Variants in PIK3C2G observed in about 807,000 individuals in gnomAD.
PIK3C2G encodes the protein phosphatidylinositol 3-kinase C2 domain-containing subunit gamma.
PIK3C2G carries 168 observed loss-of-function variants against 181.1 expected under a neutral mutation model. The observed-to-expected ratio is 0.93, with a 90% CI of 0.82 to 1.05. PIK3C2G has a LOEUF of 1.05. Among genes scored for constraint, PIK3C2G ranks in the 50% least tolerant of loss-of-function variants. The pLI is 0.00. For missense variants in PIK3C2G, 1,869 were observed against 1,732.8 expected, an observed-to-expected ratio of 1.08 and a Z score of -1.40; for synonymous variants, 573 against 592.2, an observed-to-expected ratio of 0.97 and a Z score of 0.47.
At chr12:18,291,763 T>G (rs2137201856) in intron 4 of PIK3C2G, among the ~76,000 whole-genome samples, 1 of 152,150 alleles carries the variant, frequency 6.6e-6, no homozygotes, top group Admixed American at 6.5e-5. Context: ...ATTATTGTGC[T>G]TCTTTCTTAC....
chr12:18,428,433 C>T lies in PIK3C2G; in HGVS notation c.2504+4394C>T, dbSNP rs148578074. Among the ~76,000 whole-genome samples, 57 of 151,756 alleles carry T rather than the reference C, an allele frequency of 3.8e-4. 1 individual carries two copies. The East Asian group carries it at 0.01, about 28-fold the overall frequency. Reference sequence around the variant, plus strand: ...TTCCTCAGATTCACCATATTCAAAACTGAACTAAATATCCTGTCTTGCTCA... The same window carrying T: ...TTCCTCAGATTCACCATATTCAAAATTGAACTAAATATCCTGTCTTGCTCA... On this transcript the variant is annotated intron_variant, in intron 18 of 32. Coordinates refer to ENST00000538779, the MANE Select transcript of PIK3C2G (RefSeq NM_001288772.2).
At chr12:18,246,984 T>A (rs1948046736), upstream of PIK3C2G, among the ~76,000 whole-genome samples, 1 of 150,298 alleles carries the variant, frequency 6.7e-6, no homozygotes, top group Non-Finnish European at 1.5e-5. Flanking sequence ...CCAAACTATA[T>A]CTCAATGGTC....
chr12:18,476,478 G>C (rs1000056870), intron 18 of PIK3C2G, among the ~76,000 whole-genome samples: 1 of 152,110 alleles, frequency 6.6e-6, no homozygotes, highest in Non-Finnish European at 1.5e-5. Context: ...CCTAGAATTA[G>C]ATTTCATTAG....
chr12:18,689,146 G>A, the PIK3C2G span, among the ~76,000 whole-genome samples: 1 of 152,042 alleles, frequency 6.6e-6, no homozygotes, highest in Non-Finnish European at 1.5e-5. Context: ...AAAGTAACTA[G>A]AAAGAACAAT....
chr12:18,523,909 C>T (rs984278289), intron 24 of PIK3C2G, among the ~76,000 whole-genome samples: 1 of 152,148 alleles, frequency 6.6e-6, no homozygotes, highest in African/African-American at 2.4e-5. Context: ...AGCATCTGGG[C>T]TGTGTGGGGA....
chr12:18,365,747 A>G lies in PIK3C2G; in HGVS notation c.1748+2861A>G, dbSNP rs1941597920. Among the ~76,000 whole-genome samples, 3 of 152,176 alleles carry G rather than the reference A, an allele frequency of 2.0e-5. No homozygotes were observed. The South Asian group carries it at 6.2e-4, about 32-fold the overall frequency. Reference sequence around the variant, plus strand: ...TTAAATGCCAACAGCTCCCAAATTTATATCACTAACCCAGCCATCAGTCAC... The same window carrying G: ...TTAAATGCCAACAGCTCCCAAATTTGTATCACTAACCCAGCCATCAGTCAC... On this transcript the variant is annotated intron_variant, in intron 12 of 32. Coordinates refer to ENST00000538779, the MANE Select transcript of PIK3C2G (RefSeq NM_001288772.2).
At chr12:18,682,826 T>G in the PIK3C2G span, among the ~76,000 whole-genome samples, 683 of 152,140 alleles carry the variant, frequency 4.5e-3, 4 homozygotes, top group African/African-American at 0.015. Flanking sequence ...ATCTAATTCC[T>G]TCCCACAAAA....
the PIK3C2G span, among the ~76,000 whole-genome samples, chr12:18,664,780 G>A: frequency 3.3e-5 from 5 of 151,322 alleles, no homozygotes; most frequent in African/African-American, 1.2e-4. Context: ...ATGATAGACT[G>A]GATTAAGAAA....
chr12:18,454,988 G>C (rs1160175628), intron 18 of PIK3C2G, among the ~76,000 whole-genome samples: 2 of 152,130 alleles, frequency 1.3e-5, no homozygotes, highest in African/African-American at 2.4e-5. Context: ...TGTAATCAAG[G>C]TGTCAACCTG....
the PIK3C2G span, among the ~76,000 whole-genome samples, chr12:18,700,860 T>G: frequency 2.6e-5 from 4 of 152,218 alleles, no homozygotes; most frequent in Non-Finnish European, 5.9e-5. Flanking sequence ...TATGTATTAT[T>G]AATATTGAAT....
At chr12:18,650,766 T>G (rs1454440951), downstream of PIK3C2G, among the ~76,000 whole-genome samples, 2 of 109,184 alleles carry the variant, frequency 1.8e-5, no homozygotes, top group African/African-American at 6.3e-5. Flanking sequence ...ATATATATAT[T>G]CCAGTCCATC....
chr12:18,691,262 TTAAG>T, the PIK3C2G span, among the ~76,000 whole-genome samples: 3 of 152,090 alleles, frequency 2.0e-5, no homozygotes, highest in Non-Finnish European at 4.4e-5. Context: ...TTGTTGACAT[TTAAG>T]TAAGAGCAGA....
intron 24 of PIK3C2G, among the ~76,000 whole-genome samples, chr12:18,523,127 T>C (rs1366872286): frequency 6.6e-6 from 1 of 152,192 alleles, no homozygotes; most frequent in Non-Finnish European, 1.5e-5. Flanking sequence ...TAAGATGTAT[T>C]CTTTTGTTTT....
intron 8 of PIK3C2G, among the ~76,000 whole-genome samples, chr12:18,337,700 A>C (rs1591992355): frequency 6.6e-6 from 1 of 152,160 alleles, no homozygotes; most frequent in Non-Finnish European, 1.5e-5. Flanking sequence ...CAAAGACAGC[A>C]CCAAGCCATT....
At chr12:18,364,133 C>T (rs1043969270) in intron 12 of PIK3C2G, among the ~76,000 whole-genome samples, 5 of 152,158 alleles carry the variant, frequency 3.3e-5, no homozygotes, top group African/African-American at 1.2e-4. Context: ...GAATTAACCC[C>T]ATTCCCCGTT....
At position 18,562,713 on chromosome 12, in the gene PIK3C2G, GA is replaced by G; in HGVS notation, c.3604del (p.Ser1202ValfsTer9). 1 of 1,584,606 alleles carries G rather than the reference GA, an allele frequency of 6.3e-7. No homozygotes were observed. The highest frequency in any genetic ancestry group is 8.6e-7 in the Non-Finnish European group (1 of 1,160,600). ...TTTACATTTCTCTAGGAAAATAAAG[GA>G]AAGTCTGGAGTGTTTCCCTGTTAAA... is the stretch of plus-strand genomic sequence containing the variant. ...ATSHFTKKIK[E>X]SLECFPVKLN... On this transcript the variant is annotated frameshift_variant, in exon 27 of 33. Transcript: ENST00000538779. LOFTEE classifies it high-confidence loss of function.
chr12:18,247,847 T>G (rs1319546335), exon 1 of PIK3C2G: 1 of 152,222 alleles, frequency 6.6e-6, no homozygotes, highest in African/African-American at 2.4e-5. Context: ...CAGGCTGCTC[T>G]TTGTTAGAAA....
the PIK3C2G span, among the ~76,000 whole-genome samples, chr12:18,724,399 A>G: frequency 6.6e-6 from 1 of 152,122 alleles, no homozygotes; most frequent in Non-Finnish European, 1.5e-5. Context: ...TAGTATCACT[A>G]ACAAATAAAA....
chr12:18,510,560 T>C (rs1942139217), intron 24 of PIK3C2G, among the ~76,000 whole-genome samples: 1 of 152,222 alleles, frequency 6.6e-6, no homozygotes, highest in Non-Finnish European at 1.5e-5. Flanking sequence ...TGTTTTCATA[T>C]TCTATATGGC....
Sources: allele counts gnomAD v4.1 joint callset (sites outside exome capture counted in the v4.1 genomes callset), GRCh38; gene constraint gnomAD v4.1.1; transcripts MANE v1.5; gene names NCBI Gene and HGNC (gene_info 2026-07-23, HGNC 2026-07-21).